Variants in PSMC2 observed in about 807,000 individuals in gnomAD.
The protein encoded by PSMC2 is proteasome 26S subunit, ATPase 2.
PSMC2 carries 7 observed loss-of-function variants against 53.3 expected under a neutral mutation model. The observed-to-expected ratio is 0.13, with a 90% CI of 0.07 to 0.25. The LOEUF (loss-of-function observed/expected upper bound fraction) is 0.25. Ranked by LOEUF, PSMC2 falls within the 10% of genes least tolerant of loss-of-function variation. The pLI is 1.00. For missense variants in PSMC2, 241 were observed against 544.0 expected (o/e 0.44, Z 5.54); for synonymous variants, 169 against 183.9 (o/e 0.92, Z 0.66).
At chr7:103,347,835 C>CCTTGG (rs1819638343) in intron 1 of PSMC2, 54 bp downstream of exon 1, 1 of 1,595,216 alleles carries the variant, frequency 6.3e-7, no homozygotes, top group Non-Finnish European at 8.6e-7. Flanking sequence ...AGCGGAGCTG[C>CCTTGG]CTTGGCACTG....
intron 1 of PSMC2, among the ~76,000 whole-genome samples, chr7:103,352,570 A>G (rs1819784289): frequency 6.6e-6 from 1 of 151,708 alleles, no homozygotes; most frequent in African/African-American, 2.4e-5. Flanking sequence ...CCACCATGCT[A>G]ATTTTTGCAT....
chr7:103,364,440 A>G (rs1820583134), intron 8 of PSMC2, 133 bp downstream of exon 8: 17 of 994,902 alleles, frequency 1.7e-5, no homozygotes, highest in Non-Finnish European at 2.5e-5. Flanking sequence ...ACAGAGTCTC[A>G]TTGTGTTGCC....
intron 9 of PSMC2, among the ~76,000 whole-genome samples, chr7:103,366,441 AT>A (rs1262595216): frequency 6.6e-6 from 1 of 152,190 alleles, no homozygotes; most frequent in Non-Finnish European, 1.5e-5. Context: ...GAATTCACAT[AT>A]TTTGGATTTT....
Position 103,347,651 on chromosome 7 carries a change from A to C in PSMC2, c.-61A>C, listed in dbSNP as rs189273862. 2.0e-4 allele frequency: 319 copies of C among 1,596,866 alleles called. No homozygotes were observed. The East Asian group carries it at 6.5e-3, about 33-fold the overall frequency. ...GTGGGGAAGGGAAAGGGAAGACACC[A>C]CCGGAAGCAAGGAAGGTGCTGTGTA... On this transcript the variant is annotated 5_prime_UTR_variant, in exon 1 of 12. Transcript: ENST00000292644.
chr7:103,361,881 G>A, intron 4 of PSMC2, 76 bp from the exon 5 acceptor site: 1 of 1,417,126 alleles, frequency 7.1e-7, no homozygotes, highest in Non-Finnish European at 9.6e-7. Flanking sequence ...TGCACACTCA[G>A]GATATAATCT....
rs78804802 is a variant in PSMC2, at chr7:103,368,199, T to C, written c.*145T>C. 35,850 of 762,866 alleles carry C rather than the reference T, an allele frequency of 0.047. 1,220 individuals are homozygous for C. The highest frequency in any genetic ancestry group is 0.14 in the African/African-American group (7,745 of 56,256). The allele number at this position is 762,866 out of a possible 1,614,324, so 47.3% of individuals were successfully genotyped here. On this transcript the variant is annotated 3_prime_UTR_variant, in exon 12 of 12. Coordinates refer to ENST00000292644, the MANE Select transcript of PSMC2 (RefSeq NM_002803.4). ...TTCTTGTAATATAATAAAAGGTGAT[T>C]TCTAATGTTATTAGGCAGAAAAGCT...
At position 103,367,376 on chromosome 7, in the gene PSMC2, G is replaced by A. The variant is rs1820771349; in HGVS notation, c.845-37G>A. ...GTCATGCATAGTGCTACTCTTGAGT[G>A]GACTTGAAGAGCTTATCTTTCCTTT... On this transcript the variant is annotated intron_variant, in intron 9 of 11. Transcript: ENST00000292644. This position sits in a 1 kb window ranked among gnomAD's most constrained non-coding sequence, Gnocchi z 6.1. 2.5e-6 allele frequency: 4 copies of A among 1,601,258 alleles called. No homozygotes were observed. Among genetic ancestry groups the A allele is most frequent in the Non-Finnish European group, 1.7e-6 (2 of 1,170,178 alleles).
chr7:103,359,760 T>C (rs972919612), intron 4 of PSMC2, among the ~76,000 whole-genome samples: 27 of 152,366 alleles, frequency 1.8e-4, no homozygotes, highest in African/African-American at 5.8e-4. Flanking sequence ...CTTTAGCTTT[T>C]TGAAAATATT....
chr7:103,356,744 C>T (rs2116170798), intron 4 of PSMC2, among the ~76,000 whole-genome samples: 1 of 152,122 alleles, frequency 6.6e-6, no homozygotes, highest in East Asian at 1.9e-4. Context: ...TTCTTGGTAC[C>T]TTTTGTTGTA....
At chr7:103,348,626 G>A (rs964512199) in intron 1 of PSMC2, 7 of 1,251,430 alleles carry the variant, frequency 5.6e-6, no homozygotes, top group Non-Finnish European at 7.0e-6. Flanking sequence ...CTATGCTGGA[G>A]CCACCCGCGA....
chr7:103,359,645 A>T (rs954308038), intron 4 of PSMC2, among the ~76,000 whole-genome samples: 72 of 152,208 alleles, frequency 4.7e-4, no homozygotes, highest in African/African-American at 1.6e-3. Flanking sequence ...AAATAGATGG[A>T]ACTTTTTATG....
At chr7:103,351,569 G>A (rs535635028) in intron 1 of PSMC2, among the ~76,000 whole-genome samples, 1 of 152,192 alleles carries the variant, frequency 6.6e-6, no homozygotes, top group Non-Finnish European at 1.5e-5. Flanking sequence ...CCTGTAGTTT[G>A]TATAAACATT....
chr7:103,362,520 T>A, intron 5 of PSMC2, 166 bp from the exon 6 acceptor site: 1 of 1,408,638 alleles, frequency 7.1e-7, no homozygotes, highest in Non-Finnish European at 9.3e-7. Flanking sequence ...AGACATGTAG[T>A]TTAGTATCCT....
At position 103,355,060 on chromosome 7, in the gene PSMC2, T is replaced by G. The variant is rs933331165; in HGVS notation, c.190+111T>G. ...ATGATTACAGATTTAAAAAAAATCA[T>G]TATTCTTCCTTTCTGTTAAGAAATT... is the stretch of plus-strand genomic sequence containing the variant. On this transcript the variant is annotated intron_variant, in intron 3 of 11. Transcript: ENST00000292644. The G allele has an allele frequency of 3.8e-5, 28 of 735,496 alleles. No homozygotes were observed. In the African/African-American group the frequency reaches 4.4e-4, roughly 12 times the overall value. 45.6% of individuals were successfully genotyped at this position (735,496 alleles called of 1,614,324 possible).
chr7:103,364,968 TA>T (rs1820623946), intron 8 of PSMC2, among the ~76,000 whole-genome samples: 1 of 144,102 alleles, frequency 6.9e-6, no homozygotes, highest in Non-Finnish European at 1.5e-5. Context: ...CATATATATA[TA>T]TATATATATA....
intron 1 of PSMC2, among the ~76,000 whole-genome samples, chr7:103,349,920 C>G (rs1267442864): frequency 6.6e-6 from 1 of 152,082 alleles, no homozygotes; most frequent in Non-Finnish European, 1.5e-5. Context: ...TGACTTTTTT[C>G]TCTCCTGAGA....
chr7:103,364,760 G>A (rs1317219512), intron 8 of PSMC2, among the ~76,000 whole-genome samples: 2 of 151,926 alleles, frequency 1.3e-5, no homozygotes, highest in African/African-American at 4.8e-5. Context: ...TGCCTTTGTG[G>A]TCATTTGGAG....
At position 103,369,385 on chromosome 7, in the gene PSMC2, T is replaced by G. The variant is rs2116287691; in HGVS notation, c.*1331T>G. The G allele has an allele frequency of 6.6e-6, 1 of 152,342 alleles. No homozygotes were observed. Among genetic ancestry groups the G allele is most frequent in the Non-Finnish European group, 1.5e-5 (1 of 68,028 alleles). The allele number at this position is 152,342 out of a possible 1,614,324, so 9.4% of individuals were successfully genotyped here. A position where few individuals can be genotyped will look rare whatever the true frequency, so the allele number is the denominator to read the frequency against. ...TGTTTTGATTAAATAAATGTACACA[T>G]TTAGAACACACTCTGAAGTCTTTCC... is the stretch of plus-strand genomic sequence containing the variant. On this transcript the variant is annotated 3_prime_UTR_variant, in exon 12 of 12. Transcript: ENST00000292644.
chr7:103,366,496 C>G (rs982153115), intron 9 of PSMC2, among the ~76,000 whole-genome samples: 1 of 152,174 alleles, frequency 6.6e-6, no homozygotes, highest in African/African-American at 2.4e-5. Flanking sequence ...TATCCCAAAT[C>G]TGAAAACCTG....
Sources: allele counts gnomAD v4.1 joint callset (sites outside exome capture counted in the v4.1 genomes callset), GRCh38; gene constraint gnomAD v4.1.1; non-coding constraint Gnocchi (gnomAD v3.1); transcripts MANE v1.5; gene names NCBI Gene and HGNC (gene_info 2026-07-23, HGNC 2026-07-21).